Variants in SLC10A7 observed in about 807,000 individuals in gnomAD.
SLC10A7 encodes sodium/bile acid cotransporter 7.
A neutral mutation model predicts 43.2 loss-of-function variants in SLC10A7; 29 were observed. That is an observed-to-expected ratio of 0.67 (90% CI 0.50 to 0.92). The LOEUF (loss-of-function observed/expected upper bound fraction) is 0.92, where lower values mean the gene tolerates loss of function less well. SLC10A7 is among the 40% of genes least tolerant of loss of function. SLC10A7 has a pLI of 0.00. For synonymous variants in SLC10A7, 152 were observed against 144.8 expected, an observed-to-expected ratio of 1.05 and a Z score of -0.35; for missense variants, 295 against 403.2, an observed-to-expected ratio of 0.73 and a Z score of 2.30.
chr4:146,284,658 A>T (rs1002651236), intron 9 of SLC10A7, among the ~76,000 whole-genome samples: 16 of 152,238 alleles, frequency 1.1e-4, no homozygotes, highest in Non-Finnish European at 2.1e-4. Flanking sequence ...CCATGGATGC[A>T]TATCATATAC....
At chr4:146,276,542 T>C (rs912104875) in intron 10 of SLC10A7, among the ~76,000 whole-genome samples, 10 of 152,196 alleles carry the variant, frequency 6.6e-5, no homozygotes, top group African/African-American at 2.4e-4. Flanking sequence ...ATAAAAACTG[T>C]TACATAAGCT....
intron 4 of SLC10A7, among the ~76,000 whole-genome samples, chr4:146,466,536 T>A (rs1733053617): frequency 1.3e-5 from 2 of 152,190 alleles, no homozygotes; most frequent in South Asian, 4.1e-4. Context: ...TGCATAAAAT[T>A]CTGTAAGGAC....
intron 6 of SLC10A7, among the ~76,000 whole-genome samples, chr4:146,320,964 C>A (rs1327292526): frequency 6.6e-6 from 1 of 151,914 alleles, no homozygotes. Flanking sequence ...TTGATTGGAG[C>A]AAGAAAGTGA....
intron 4 of SLC10A7, among the ~76,000 whole-genome samples, chr4:146,464,472 TATACC>T (rs1362191471): frequency 6.6e-6 from 1 of 152,102 alleles, no homozygotes; most frequent in Non-Finnish European, 1.5e-5. Flanking sequence ...TAAAATATTA[TATACC>T]ATACAAGAAC....
chr4:146,415,137 C>T lies in SLC10A7; in HGVS notation c.435+27646G>A, dbSNP rs137911917. The stretch of plus-strand genomic sequence containing the variant: ...AAAGAATGTGAGTCAGGATTCAGTA[C>T]TGAAAAGTTCAAATTATGGAATTTT... On this transcript the variant is annotated intron_variant, in intron 5 of 11. Transcript: ENST00000335472. 5.5e-4 allele frequency among the ~76,000 whole-genome samples: 83 copies of T among 152,244 alleles called. No individual in the cohort carries two copies. The East Asian group carries it at 0.016, about 29-fold the overall frequency.
At position 146,441,606 on chromosome 4, in the gene SLC10A7, A is replaced by G. The variant is rs555335244; in HGVS notation, c.435+1177T>C. 4.8e-5 allele frequency: 37 copies of G among 771,572 alleles called. No homozygotes were observed. In the South Asian group the frequency reaches 1.9e-3, roughly 39 times the overall value. The allele number at this position is 771,572 out of a possible 1,614,324, so 47.8% of individuals were successfully genotyped here. A position where few individuals can be genotyped will look rare whatever the true frequency, so the allele number is the denominator to read the frequency against. On this transcript the variant is annotated intron_variant, in intron 5 of 11. Coordinates refer to ENST00000335472, the MANE Select transcript of SLC10A7 (RefSeq NM_001029998.6). ...TGACAACGTATAGAATAATACTTGG[A>G]CTCATGAAATAATGACTTAAAATAT...
chr4:146,265,749 T>C (rs1005637097), intron 10 of SLC10A7, among the ~76,000 whole-genome samples: 2 of 152,210 alleles, frequency 1.3e-5, no homozygotes, highest in Non-Finnish European at 2.9e-5. Flanking sequence ...TACTAGTTGC[T>C]TCACTAGACT....
At chr4:146,348,129 A>G (rs1006284736) in intron 5 of SLC10A7, among the ~76,000 whole-genome samples, 4 of 152,184 alleles carry the variant, frequency 2.6e-5, no homozygotes, top group Admixed American at 1.3e-4. Context: ...ACCAAATTCA[A>G]TGGATCCAGT....
At position 146,473,284 on chromosome 4, in the gene SLC10A7, G is replaced by GT. The variant is rs1215714432; in HGVS notation, c.397-30464dup. ...TAATCTCAAATGATTATTGAAAACA[G>GT]TTTTTTTTAAAAAAGGCTGACCCAC... On this transcript the variant is annotated intron_variant, in intron 4 of 11. Transcript: ENST00000335472. Among the ~76,000 whole-genome samples, 5 of 151,978 alleles carry GT rather than the reference G, an allele frequency of 3.3e-5. No individual in the cohort carries two copies. The South Asian group carries it at 6.2e-4, about 19-fold the overall frequency.
intron 5 of SLC10A7, among the ~76,000 whole-genome samples, chr4:146,336,194 G>A (rs1172162914): frequency 6.6e-6 from 1 of 152,132 alleles, no homozygotes; most frequent in Non-Finnish European, 1.5e-5. Flanking sequence ...AGCAGCCAAA[G>A]ACAATAGGTA....
chr4:146,351,643 G>A (rs1166654572), intron 5 of SLC10A7, among the ~76,000 whole-genome samples: 1 of 151,904 alleles, frequency 6.6e-6, no homozygotes, highest in African/African-American at 2.4e-5. Flanking sequence ...GAGGAAGGTC[G>A]GGTTACCCTC....
intron 5 of SLC10A7, among the ~76,000 whole-genome samples, chr4:146,413,942 A>C (rs2149836549): frequency 6.6e-6 from 1 of 152,342 alleles, no homozygotes; most frequent in East Asian, 1.9e-4. Flanking sequence ...AGAAAGAGAA[A>C]GTTCAGGATA....
intron 5 of SLC10A7, among the ~76,000 whole-genome samples, chr4:146,427,871 T>C (rs1560897840): frequency 6.6e-6 from 1 of 152,172 alleles, no homozygotes; most frequent in African/African-American, 2.4e-5. Context: ...ATTTTTTAGG[T>C]TATTATTTTA....
chr4:146,365,452 C>T (rs969345393), intron 5 of SLC10A7, among the ~76,000 whole-genome samples: 4 of 152,122 alleles, frequency 2.6e-5, no homozygotes, highest in African/African-American at 9.7e-5. Context: ...CTGCACTGTA[C>T]ATTAAAGTTT....
At chr4:146,354,333 G>T (rs1467162477) in intron 5 of SLC10A7, among the ~76,000 whole-genome samples, 1 of 152,140 alleles carries the variant, frequency 6.6e-6, no homozygotes, top group East Asian at 1.9e-4. Flanking sequence ...ACTTACAAGG[G>T]ATGTGAAGGA....
intron 5 of SLC10A7, among the ~76,000 whole-genome samples, chr4:146,434,999 G>A (rs961062586): frequency 1.6e-5 from 2 of 123,846 alleles, no homozygotes; most frequent in African/African-American, 6.1e-5. Context: ...GCAAATTGAG[G>A]GCAAGAATCA....
Position 146,294,018 on chromosome 4 carries a change from G to C in SLC10A7, c.633C>G (p.Leu211=). 2 of 1,613,096 alleles carry C rather than the reference G, an allele frequency of 1.2e-6. No homozygotes were observed. The highest frequency in any genetic ancestry group is 1.7e-6 in the Non-Finnish European group (2 of 1,179,270). ...PFGAISSSVL[L]MIIYTTFCDT... is the part of the protein sequence containing the mutation. ...CACAGAATGTTGTGTAGATGATCAT[G>C]AGGAGTACACTGCTGCTGATAGCAC... The change falls in exon 8 of 12, where the codon CTC becomes CTG. Residue 211 remains leucine, a synonymous_variant. Transcript: ENST00000335472.
At chr4:146,486,864 C>T (rs1015190986) in intron 4 of SLC10A7, among the ~76,000 whole-genome samples, 1 of 152,230 alleles carries the variant, frequency 6.6e-6, no homozygotes, top group African/African-American at 2.4e-5. Context: ...GCCTGTGCAC[C>T]TGGCCCACCC....
chr4:146,378,030 C>T (rs1031720720), intron 5 of SLC10A7, among the ~76,000 whole-genome samples: 4 of 152,194 alleles, frequency 2.6e-5, no homozygotes, highest in Admixed American at 2.0e-4. Flanking sequence ...ACTACTCATG[C>T]TGTCTCTATT....
Sources: gnomAD v4.1 joint callset for allele counts (sites outside exome capture counted in the v4.1 genomes callset) on GRCh38, gnomAD v4.1.1 for gene constraint, MANE v1.5 for transcripts, NCBI Gene and HGNC (gene_info 2026-07-23, HGNC 2026-07-21) for gene names.